The following UVRAG variants were observed in gnomAD, a reference collection of about 807,000 sequenced individuals.
The protein encoded by UVRAG is UV radiation resistance-associated gene protein.
A neutral mutation model predicts 78.0 loss-of-function variants in UVRAG; 19 were observed. The observed-to-expected ratio is 0.24, with a 90% CI of 0.17 to 0.36. The LOEUF (loss-of-function observed/expected upper bound fraction) is 0.36, where lower values mean the gene tolerates loss of function less well. UVRAG is among the 10% of genes least tolerant of loss of function. The pLI is 1.00. For missense variants in UVRAG, 740 were observed against 853.8 expected, an observed-to-expected ratio of 0.87 and a Z score of 1.66; for synonymous variants, 323 against 324.6, an observed-to-expected ratio of 1.00 and a Z score of 0.05.
intron 11 of UVRAG, among the ~76,000 whole-genome samples, chr11:76,009,327 A>G (rs771795068): frequency 6.6e-6 from 1 of 152,158 alleles, no homozygotes; most frequent in Non-Finnish European, 1.5e-5. Flanking sequence ...TTATACTATC[A>G]TTTCTGTTAT....
At chr11:75,886,534 A>C (rs1412874405) in intron 4 of UVRAG, among the ~76,000 whole-genome samples, 2 of 152,178 alleles carry the variant, frequency 1.3e-5, no homozygotes, top group Non-Finnish European at 2.9e-5. Context: ...CTGCTTTCAT[A>C]ATGTTTTCTC....
chr11:75,815,349 GGGC>G lies in UVRAG; in HGVS notation c.-50_-48del. The stretch of plus-strand genomic sequence containing the variant: ...AGGGGCTTGGTAGGTGGTGGCAAGG[GGGC>G]GGCGGCGGATGCCGGAAGAGTGCCC... On this transcript the variant is annotated 5_prime_UTR_variant, in exon 1 of 15. Transcript: ENST00000356136. 2.1e-6 allele frequency: 2 copies of G among 943,000 alleles called. No homozygotes were observed. Among genetic ancestry groups the G allele is most frequent in the Non-Finnish European group, 2.8e-6 (2 of 719,698 alleles). The allele number at this position is 943,000 out of a possible 1,614,324, so 58.4% of individuals were successfully genotyped here. A position where few individuals can be genotyped will look rare whatever the true frequency, so the allele number is the denominator to read the frequency against.
intron 14 of UVRAG, among the ~76,000 whole-genome samples, chr11:76,119,174 G>T (rs546103882): frequency 6.6e-6 from 1 of 152,098 alleles, no homozygotes; most frequent in Non-Finnish European, 1.5e-5. Flanking sequence ...TCCTTATCCT[G>T]TTCAGTGGCA....
chr11:76,132,745 A>G (rs758063230), intron 14 of UVRAG, among the ~76,000 whole-genome samples: 2 of 152,176 alleles, frequency 1.3e-5, no homozygotes, highest in East Asian at 3.8e-4. Flanking sequence ...TAGAAAGTCA[A>G]AAGAGCAACA....
At chr11:76,120,803 G>A (rs60994203) in intron 14 of UVRAG, among the ~76,000 whole-genome samples, 3,370 of 152,324 alleles carry the variant, frequency 0.022, 128 homozygotes, top group African/African-American at 0.077. Context: ...AGCACTTTGA[G>A]TCTCAGAGGA....
chr11:76,046,958 GTTTTA>G (rs1297397983), intron 12 of UVRAG, among the ~76,000 whole-genome samples: 1 of 151,894 alleles, frequency 6.6e-6, no homozygotes, highest in African/African-American at 2.4e-5. Flanking sequence ...CCATGTATAT[GTTTTA>G]TTTTGATAAA....
intron 11 of UVRAG, among the ~76,000 whole-genome samples, chr11:76,016,569 G>A (rs377662402): frequency 2.8e-4 from 43 of 152,108 alleles, no homozygotes; most frequent in African/African-American, 1.0e-3. Flanking sequence ...TTGCTTTAAG[G>A]TATATATCAA....
At chr11:75,898,379 C>T (rs1453001502) in intron 5 of UVRAG, among the ~76,000 whole-genome samples, 1 of 152,168 alleles carries the variant, frequency 6.6e-6, no homozygotes, top group Non-Finnish European at 1.5e-5. Flanking sequence ...TTTTGACATA[C>T]CTCTGTTAGT....
At chr11:75,828,754 C>CATATAT (rs776673600) in intron 1 of UVRAG, among the ~76,000 whole-genome samples, 27 of 78,380 alleles carry the variant, frequency 3.4e-4, no homozygotes, top group East Asian at 8.3e-4. Context: ...TATACACACA[C>CATATAT]ATATATATAT....
At position 75,872,795 on chromosome 11, in the gene UVRAG, CTT is replaced by C. The variant is rs949238702; in HGVS notation, c.271-7083_271-7082del. 3.9e-5 allele frequency among the ~76,000 whole-genome samples: 6 copies of C among 152,336 alleles called. 1 individual carries two copies. The highest frequency in any genetic ancestry group is 2.6e-4 in the Admixed American group (4 of 15,306). On this transcript the variant is annotated intron_variant, in intron 3 of 14. Transcript: ENST00000356136. ...GTGACTTAATAATTCTTAGCATCAGCTTCTCCTGAAAAATTGGGATAGTGCTG... is the reference window on the plus strand; with the variant it reads ...GTGACTTAATAATTCTTAGCATCAGCCTCCTGAAAAATTGGGATAGTGCTG...
intron 12 of UVRAG, among the ~76,000 whole-genome samples, chr11:76,057,744 G>T (rs1400528619): frequency 2.6e-5 from 4 of 151,766 alleles, no homozygotes; most frequent in Non-Finnish European, 5.9e-5. Context: ...TTTAGTCTTG[G>T]CAGGGTAAAA....
chr11:75,825,877 C>T (rs1945499279), intron 1 of UVRAG, among the ~76,000 whole-genome samples: 1 of 151,812 alleles, frequency 6.6e-6, no homozygotes, highest in East Asian at 1.9e-4. Flanking sequence ...GCTCTTGTCA[C>T]CCAGGCTGGA....
intron 6 of UVRAG, among the ~76,000 whole-genome samples, chr11:75,917,052 G>T (rs1388997892): frequency 6.6e-6 from 1 of 152,186 alleles, no homozygotes; most frequent in Non-Finnish European, 1.5e-5. Flanking sequence ...TTACAAAGGT[G>T]TTTTCAGTCC....
intron 7 of UVRAG, among the ~76,000 whole-genome samples, chr11:75,970,732 C>CA (rs59187207): frequency 0.14 from 9,550 of 65,874 alleles, 948 homozygotes; most frequent in African/African-American, 0.33. Flanking sequence ...GACTCCATCT[C>CA]AAAAAAAAAA....
intron 14 of UVRAG, among the ~76,000 whole-genome samples, chr11:76,138,465 T>A (rs1277479491): frequency 6.6e-6 from 1 of 152,118 alleles, no homozygotes; most frequent in East Asian, 1.9e-4. Flanking sequence ...TTGTCGCGCC[T>A]CATTAGTTTT....
rs140485224 is a variant in UVRAG at position 75,986,060 on chromosome 11, A to G, written c.826+2547A>G. Among the ~76,000 whole-genome samples, 260 of 152,140 alleles carry G rather than the reference A, an allele frequency of 1.7e-3. 2 individuals carry two copies. The highest frequency in any genetic ancestry group is 6.0e-3 in the African/African-American group (251 of 41,526). On this transcript the variant is annotated intron_variant, in intron 8 of 14. Coordinates refer to ENST00000356136, the MANE Select transcript of UVRAG (RefSeq NM_003369.4). ...ATAGAAAAGAAAACCTTGCTAGGAT[A>G]TTTTTTCTTAATTGTCATACCTCAT...
intron 1 of UVRAG, among the ~76,000 whole-genome samples, chr11:75,841,839 C>G (rs1463567234): frequency 6.6e-6 from 1 of 152,158 alleles, no homozygotes; most frequent in Non-Finnish European, 1.5e-5. Flanking sequence ...CTTTAATTAT[C>G]TATTACTCCA....
At chr11:75,946,183 A>T (rs1948585232) in intron 6 of UVRAG, among the ~76,000 whole-genome samples, 2 of 152,186 alleles carry the variant, frequency 1.3e-5, no homozygotes, top group Non-Finnish European at 2.9e-5. Context: ...GACTGTCTGC[A>T]ATGTTTTTTC....
chr11:76,098,753 C>A (rs1206964814), intron 13 of UVRAG, among the ~76,000 whole-genome samples: 1 of 152,118 alleles, frequency 6.6e-6, no homozygotes, highest in African/African-American at 2.4e-5. Flanking sequence ...AATTTTAATA[C>A]ACCTAAAACA....
Sources: gnomAD v4.1 joint callset for allele counts (sites outside exome capture counted in the v4.1 genomes callset) on GRCh38, gnomAD v4.1.1 for gene constraint, MANE v1.5 for transcripts, NCBI Gene and HGNC (gene_info 2026-07-23, HGNC 2026-07-21) for gene names.